TSNARE1: variants seen among roughly 807,000 people sequenced by gnomAD.
TSNARE1 encodes the protein t-SNARE domain-containing protein 1.
Under a neutral mutation model 62.0 loss-of-function variants are expected in TSNARE1, and 49 were observed. The ratio of observed to expected loss-of-function variants is 0.79; its 90% CI spans 0.63 to 1.00. TSNARE1 has a LOEUF of 1.00. Among genes scored for constraint, TSNARE1 ranks in the 50% least tolerant of loss-of-function variants. The pLI is 0.00. For synonymous variants in TSNARE1, 328 were observed against 294.4 expected, an observed-to-expected ratio of 1.11 and a Z score of -1.17; for missense variants, 755 against 700.1, an observed-to-expected ratio of 1.08 and a Z score of -0.88.
rs1825607885 is a variant in TSNARE1, at chr8:142,300,789, C to A, written c.1132-145G>T. The A allele has an allele frequency of 4.0e-6, 4 of 1,002,818 alleles. No individual in the cohort carries two copies. The South Asian group carries it at 7.1e-5, about 18-fold the overall frequency. 62.1% of individuals were successfully genotyped at this position (1,002,818 alleles called of 1,614,324 possible). On this transcript the variant is annotated intron_variant, in intron 9 of 13. Coordinates refer to ENST00000524325, the MANE Select transcript of TSNARE1 (RefSeq NM_145003.5). ...GACGATCTGGGTCTGAGGCGGGGGC[C>A]TTCTGCGGCCACGAGCCTGTCACTG...
At chr8:142,351,638 C>T (rs566936107) in intron 2 of TSNARE1, among the ~76,000 whole-genome samples, 54 of 152,208 alleles carry the variant, frequency 3.5e-4, no homozygotes, top group African/African-American at 1.1e-3. Flanking sequence ...AACATCAAAC[C>T]GCCAAACATA....
intron 13 of TSNARE1, among the ~76,000 whole-genome samples, chr8:142,227,244 C>G (rs536520371): frequency 6.6e-6 from 1 of 151,630 alleles, no homozygotes; most frequent in South Asian, 2.1e-4. Flanking sequence ...TACATCCTGC[C>G]CACAATCACA....
chr8:142,315,230 C>G, intron 7 of TSNARE1, 138 bp from the exon 8 acceptor site: 1 of 827,244 alleles, frequency 1.2e-6, no homozygotes, highest in South Asian at 1.6e-5. Flanking sequence ...ACTTCCCCTC[C>G]GTGTCACCGT....
intron 3 of TSNARE1, among the ~76,000 whole-genome samples, chr8:142,345,273 C>A (rs1368595437): frequency 6.6e-6 from 1 of 152,226 alleles, no homozygotes; most frequent in Non-Finnish European, 1.5e-5. Context: ...AAGTACAGGC[C>A]TCTCCCTGGG....
intron 1 of TSNARE1, among the ~76,000 whole-genome samples, chr8:142,390,435 A>C (rs62511401): frequency 4.2e-4 from 25 of 59,706 alleles, no homozygotes; most frequent in Admixed American, 6.6e-4. Flanking sequence ...CCGTAACAGA[A>C]GCTGTACACT....
intron 11 of TSNARE1, chr8:142,276,375 A>C (rs1407883769): frequency 1.9e-5 from 19 of 985,286 alleles, no homozygotes; most frequent in African/African-American, 3.5e-5. Context: ...GGATCCCCCC[A>C]CAATTGCCAC....
At chr8:142,335,829 C>T (rs2129699265) in intron 4 of TSNARE1, among the ~76,000 whole-genome samples, 1 of 152,318 alleles carries the variant, frequency 6.6e-6, no homozygotes, top group East Asian at 1.9e-4. Flanking sequence ...GCTTCCTGCA[C>T]TAGCCACATT....
intron 9 of TSNARE1, among the ~76,000 whole-genome samples, chr8:142,307,035 A>C (rs1030975299): frequency 2.0e-5 from 3 of 152,194 alleles, no homozygotes; most frequent in Admixed American, 6.5e-5. Context: ...CTGGTTCTGA[A>C]TACTACAGAA....
chr8:142,329,021 G>A (rs1830650111), intron 6 of TSNARE1, among the ~76,000 whole-genome samples: 1 of 152,230 alleles, frequency 6.6e-6, no homozygotes, highest in South Asian at 2.1e-4. Context: ...AATGATGGCG[G>A]CCGTGGATGA....
intron 12 of TSNARE1, among the ~76,000 whole-genome samples, chr8:142,255,443 T>TCAC (rs1818388419): frequency 1.4e-5 from 1 of 69,718 alleles, no homozygotes; most frequent in Non-Finnish European, 2.7e-5. Flanking sequence ...ACTGTCACCA[T>TCAC]CACCACCACC....
At position 142,229,530 on chromosome 8, in the gene TSNARE1, G is replaced by T; in HGVS notation, c.1496C>A (p.Ala499Asp). Residue 499 changes from alanine (A) to aspartate (D), a missense_variant, in exon 13 of 14, where the codon GCC (alanine) becomes GAC (aspartate). Physicochemically the swap from Ala to Asp is moderately radical, Grantham distance 126. Coordinates refer to ENST00000524325, the MANE Select transcript of TSNARE1 (RefSeq NM_145003.5). Reference protein sequence around the residue: ...KCCFLSAGVTALLVIIIIIAT... With the variant: ...KCCFLSAGVTDLLVIIIIIAT... The stretch of plus-strand genomic sequence containing the variant: ...GATGATGATGATGATGACAAGCAGG[G>T]CAGTGACTCCAGCTGATAGGAAGCA... 1 of 1,614,100 alleles carries T rather than the reference G, an allele frequency of 6.2e-7. No homozygotes were observed. The highest frequency in any genetic ancestry group is 1.7e-5 in the Admixed American group (1 of 60,008).
intron 12 of TSNARE1, among the ~76,000 whole-genome samples, chr8:142,242,347 G>C (rs895846910): frequency 9.2e-5 from 14 of 152,218 alleles, no homozygotes; most frequent in African/African-American, 2.9e-4. Context: ...TCTTAACACT[G>C]GTCTTGGTAA....
Position 142,298,095 on chromosome 8 carries a change from AG to A in TSNARE1, c.1290+2390del, listed in dbSNP as rs763314328. On this transcript the variant is annotated intron_variant, in intron 10 of 13. Coordinates refer to ENST00000524325, the MANE Select transcript of TSNARE1 (RefSeq NM_145003.5). ...AGCTGTGAGGGTCCCCGAGGGCCAC[AG>A]GCAGAGCCCAGGCCACCTGGGTCCT... is the stretch of plus-strand genomic sequence containing the variant. Among the ~76,000 whole-genome samples the A allele has an allele frequency of 7.2e-5, 11 of 152,308 alleles. 1 individual carries two copies. Among genetic ancestry groups the A allele is most frequent in the Admixed American group, 2.0e-4 (3 of 15,310 alleles).
At chr8:142,371,222 A>G (rs1835890368) in intron 1 of TSNARE1, among the ~76,000 whole-genome samples, 1 of 152,232 alleles carries the variant, frequency 6.6e-6, no homozygotes, top group Non-Finnish European at 1.5e-5. Flanking sequence ...CCTTCCATTA[A>G]CAAAAACTCC....
At chr8:142,274,444 C>T in intron 12 of TSNARE1, 1 of 985,510 alleles carries the variant, frequency 1.0e-6, no homozygotes, top group Non-Finnish European at 1.2e-6. Flanking sequence ...GGACACTGAG[C>T]TGCATGTCAG....
At chr8:142,288,240 G>T (rs1823106663) in intron 10 of TSNARE1, among the ~76,000 whole-genome samples, 1 of 152,238 alleles carries the variant, frequency 6.6e-6, no homozygotes, top group African/African-American at 2.4e-5. Context: ...AGGGGCAGCT[G>T]CGAGTCCCTG....
rs575961380 is a variant in TSNARE1 at position 142,259,241 on chromosome 8, G to A, written c.1446+15540C>T. Reference sequence around the variant, plus strand: ...TGCTGTCTCTACCCTTCCCTCAGCTGTGAGCCTGGTATTTATTAGACGCAG... The same window carrying A: ...TGCTGTCTCTACCCTTCCCTCAGCTATGAGCCTGGTATTTATTAGACGCAG... On this transcript the variant is annotated intron_variant, in intron 12 of 13. Transcript: ENST00000524325. Among the ~76,000 whole-genome samples, 856 of 152,362 alleles carry A rather than the reference G, an allele frequency of 5.6e-3. 2 individuals carry two copies. Among genetic ancestry groups the A allele is most frequent in the Non-Finnish European group, 8.0e-3 (541 of 68,034 alleles).
rs571754003 is a variant in TSNARE1 at position 142,309,904 on chromosome 8, A to T, written c.1131+4480T>A. ...TTTCTTTGTGGGATATTTTTAAATT[A>T]TGGATTTAATTTTTTAATAAATATT... On this transcript the variant is annotated intron_variant, in intron 9 of 13. Coordinates refer to ENST00000524325, the MANE Select transcript of TSNARE1 (RefSeq NM_145003.5). Among the ~76,000 whole-genome samples the T allele has an allele frequency of 2.0e-5, 3 of 152,288 alleles. No individual in the cohort carries two copies. The South Asian group carries it at 6.2e-4, about 32-fold the overall frequency.
intron 1 of TSNARE1, among the ~76,000 whole-genome samples, chr8:142,401,028 G>A (rs755311450): frequency 6.6e-6 from 1 of 152,206 alleles, no homozygotes; most frequent in Admixed American, 6.5e-5. Flanking sequence ...CACCCACGCC[G>A]TGTCGCGAAT....
Sources: allele counts gnomAD v4.1 joint callset (sites outside exome capture counted in the v4.1 genomes callset), GRCh38; gene constraint gnomAD v4.1.1; transcripts MANE v1.5; gene names NCBI Gene and HGNC (gene_info 2026-07-23, HGNC 2026-07-21).